Variants in PLCL1 observed in about 807,000 individuals in gnomAD.
PLCL1 encodes inactive phospholipase C-like protein 1.
PLCL1 carries 41 observed loss-of-function variants against 84.4 expected under a neutral mutation model. The observed-to-expected ratio is 0.49, with a 90% CI of 0.38 to 0.63. The LOEUF (loss-of-function observed/expected upper bound fraction) is 0.63. PLCL1 is among the 30% of genes least tolerant of loss of function. The probability of loss-of-function intolerance (pLI) is 0.00; values close to 1 mark genes in which losing one functional copy is unlikely to be tolerated. For missense variants in PLCL1, 1,206 were observed against 1,367.8 expected, an observed-to-expected ratio of 0.88 and a Z score of 1.87; for synonymous variants, 490 against 488.3, an observed-to-expected ratio of 1.00 and a Z score of -0.05.
intron 1 of PLCL1, among the ~76,000 whole-genome samples, chr2:197,989,318 C>A (rs1186508135): frequency 1.3e-5 from 2 of 152,142 alleles, no homozygotes; most frequent in Non-Finnish European, 2.9e-5. Context: ...GAGTATTCTA[C>A]ATAAGGCAAG....
chr2:197,805,430 G>C lies in PLCL1; in HGVS notation c.240+91G>C. On this transcript the variant is annotated intron_variant, in intron 1 of 5. Coordinates refer to ENST00000428675, the MANE Select transcript of PLCL1 (RefSeq NM_006226.4). This position sits in a 1 kb window ranked among gnomAD's most constrained non-coding sequence, Gnocchi z 4.0. ...GGATGTGCGGTGTCCGGAGGCATCC[G>C]GGCTCAGCATTGTTTTCTCCCACCT... 8.5e-7 allele frequency: 1 copy of C among 1,175,954 alleles called. No homozygotes were observed. Among genetic ancestry groups the C allele is most frequent in the South Asian group, 3.3e-5 (1 of 30,648 alleles). 72.8% of individuals were successfully genotyped at this position (1,175,954 alleles called of 1,614,324 possible).
intron 1 of PLCL1, among the ~76,000 whole-genome samples, chr2:197,972,497 C>G (rs919980953): frequency 6.6e-6 from 1 of 152,154 alleles, no homozygotes; most frequent in African/African-American, 2.4e-5. Context: ...TAATTTTACT[C>G]AAACTCCTGA....
chr2:197,825,572 AC>A (rs1690911372), intron 1 of PLCL1, among the ~76,000 whole-genome samples: 1 of 152,162 alleles, frequency 6.6e-6, no homozygotes, highest in South Asian at 2.1e-4. Context: ...CCCATCTCTC[AC>A]CCAAACTAAA....
intron 1 of PLCL1, among the ~76,000 whole-genome samples, chr2:197,936,190 C>T (rs948283672): frequency 2.0e-4 from 29 of 146,348 alleles, no homozygotes; most frequent in Non-Finnish European, 3.6e-4. Flanking sequence ...AGGTTGATAC[C>T]GCATCTTAGC....
chr2:197,930,029 A>G (rs1688903623), intron 1 of PLCL1, among the ~76,000 whole-genome samples: 1 of 152,168 alleles, frequency 6.6e-6, no homozygotes, highest in South Asian at 2.1e-4. Context: ...GTGAATCTGC[A>G]TGGAAGAGTG....
intron 1 of PLCL1, among the ~76,000 whole-genome samples, chr2:197,827,365 A>C (rs1011910271): frequency 1.3e-5 from 2 of 152,064 alleles, no homozygotes; most frequent in Non-Finnish European, 2.9e-5. Context: ...TATGCATATA[A>C]ATATATATGT....
At chr2:197,837,844 A>G (rs942570525) in intron 1 of PLCL1, among the ~76,000 whole-genome samples, 1 of 152,230 alleles carries the variant, frequency 6.6e-6, no homozygotes, top group African/African-American at 2.4e-5. Flanking sequence ...ATCCAGTTAG[A>G]ATATTATGCA....
chr2:197,944,903 C>A (rs1016771310), intron 1 of PLCL1, among the ~76,000 whole-genome samples: 1 of 152,148 alleles, frequency 6.6e-6, no homozygotes, highest in African/African-American at 2.4e-5. Context: ...TTCATTGAAA[C>A]TGGAGTTTGT....
intron 1 of PLCL1, among the ~76,000 whole-genome samples, chr2:197,927,423 T>C (rs1688851907): frequency 6.6e-6 from 1 of 152,204 alleles, no homozygotes; most frequent in African/African-American, 2.4e-5. Context: ...TCATATCTCT[T>C]TCCTTTGGGA....
At chr2:198,012,860 C>G (rs1690904584) in intron 1 of PLCL1, among the ~76,000 whole-genome samples, 1 of 151,898 alleles carries the variant, frequency 6.6e-6, no homozygotes, top group South Asian at 2.1e-4. Flanking sequence ...TACATATATT[C>G]TATAGATAGT....
intron 1 of PLCL1, among the ~76,000 whole-genome samples, chr2:197,809,364 C>T (rs910875405): frequency 6.6e-6 from 1 of 152,200 alleles, no homozygotes. Context: ...TGCAAGAAGT[C>T]CCACAATCCA....
intron 2 of PLCL1, among the ~76,000 whole-genome samples, chr2:198,087,754 T>C (rs1692919848): frequency 6.6e-6 from 1 of 152,174 alleles, no homozygotes; most frequent in South Asian, 2.1e-4. Flanking sequence ...GATGTGCTTA[T>C]TTCATATTGC....
chr2:197,872,679 T>C (rs1687669582), intron 1 of PLCL1, among the ~76,000 whole-genome samples: 1 of 152,196 alleles, frequency 6.6e-6, no homozygotes, highest in African/African-American at 2.4e-5. Context: ...TTAGATTATG[T>C]AAGTTTTATA....
chr2:197,909,872 T>C (rs1326249082), intron 1 of PLCL1, among the ~76,000 whole-genome samples: 1 of 152,178 alleles, frequency 6.6e-6, no homozygotes, highest in African/African-American at 2.4e-5. Flanking sequence ...CCTCCAGGCA[T>C]CAGTGTAGGG....
chr2:197,979,435 C>A (rs1690057948), intron 1 of PLCL1, among the ~76,000 whole-genome samples: 1 of 152,162 alleles, frequency 6.6e-6, no homozygotes, highest in Non-Finnish European at 1.5e-5. Flanking sequence ...CATTACAAGA[C>A]CTCTGAAATC....
At chr2:198,106,756 A>G (rs1240205943) in intron 5 of PLCL1, among the ~76,000 whole-genome samples, 1 of 151,862 alleles carries the variant, frequency 6.6e-6, no homozygotes, top group African/African-American at 2.4e-5. Context: ...CTTTATGTAC[A>G]TTTCCCCTTT....
intron 5 of PLCL1, among the ~76,000 whole-genome samples, chr2:198,126,991 A>AGTGTGT (rs368958990): frequency 7.7e-6 from 1 of 129,152 alleles, no homozygotes; most frequent in African/African-American, 3.1e-5. Context: ...TGAGTGTGTG[A>AGTGTGT]GTGTGTGTGT....
rs869135841 is a variant in PLCL1 at position 197,939,717 on chromosome 2, C to CTT, written c.240+134398_240+134399dup. Among the ~76,000 whole-genome samples, 988 of 112,064 alleles carry CTT rather than the reference C, an allele frequency of 8.8e-3. 8 individuals carry two copies. The highest frequency in any genetic ancestry group is 0.011 in the African/African-American group (328 of 29,596). The allele number at this position is 112,064 out of a possible 152,430, so 73.5% of individuals were successfully genotyped here. A position where few individuals can be genotyped will look rare whatever the true frequency, so the allele number is the denominator to read the frequency against. On this transcript the variant is annotated intron_variant, in intron 1 of 5. Coordinates refer to ENST00000428675, the MANE Select transcript of PLCL1 (RefSeq NM_006226.4). The stretch of plus-strand genomic sequence containing the variant: ...TACTGGGGATTGGGACTTCAACAGA[C>CTT]TTTTTTTTTTTTTTTTTTTTTGGCA...
chr2:197,912,108 G>A (rs1484182397), intron 1 of PLCL1, among the ~76,000 whole-genome samples: 1 of 152,196 alleles, frequency 6.6e-6, no homozygotes, highest in Non-Finnish European at 1.5e-5. Flanking sequence ...CGAGGTGATG[G>A]CTGGGAAGAA....
Sources: gnomAD v4.1 joint callset for allele counts (sites outside exome capture counted in the v4.1 genomes callset) on GRCh38, gnomAD v4.1.1 for gene constraint, Gnocchi (gnomAD v3.1) non-coding constraint, MANE v1.5 for transcripts, NCBI Gene and HGNC (gene_info 2026-07-23, HGNC 2026-07-21) for gene names.